The following GATC variants were observed in gnomAD, a reference collection of about 807,000 sequenced individuals.
The protein encoded by GATC is glutamyl-tRNA amidotransferase subunit C.
GATC carries 11 observed loss-of-function variants against 14.4 expected under a neutral mutation model. That is an observed-to-expected ratio of 0.77 (90% CI 0.48 to 1.27). GATC has a LOEUF of 1.27. GATC is among the 50% of genes most tolerant of loss of function. GATC has a pLI of 0.00. For missense variants in GATC, 204 were observed against 183.0 expected, an observed-to-expected ratio of 1.11 and a Z score of -0.66; for synonymous variants, 76 against 79.3, an observed-to-expected ratio of 0.96 and a Z score of 0.22.
chr12:120,449,284 T>C (rs1279931832), intron 2 of GATC, among the ~76,000 whole-genome samples: 4 of 152,102 alleles, frequency 2.6e-5, no homozygotes, highest in Non-Finnish European at 5.9e-5. Context: ...CCTGTGGCTC[T>C]CGTGATATCC....
rs940710190 is a variant in GATC at position 120,462,047 on chromosome 12, T to C, written c.*2088T>C. On this transcript the variant is annotated 3_prime_UTR_variant, in exon 4 of 4. Coordinates refer to ENST00000551765, the MANE Select transcript of GATC (RefSeq NM_176818.3). ...GTAGGGCCTGAAAGGAGAGAAGTAG[T>C]GTGGGGAACCCCTGCTTTGGTATGG... 1.9e-6 allele frequency: 3 copies of C among 1,611,610 alleles called. No homozygotes were observed. The highest frequency in any genetic ancestry group is 1.3e-5 in the African/African-American group (1 of 74,794).
At position 120,463,188 on chromosome 12, in the gene GATC, G is replaced by C. The variant is rs979980998; in HGVS notation, c.*3229G>C. The C allele has an allele frequency of 6.6e-6, 1 of 152,154 alleles. No individual in the cohort carries two copies. The highest frequency in any genetic ancestry group is 2.4e-5 in the African/African-American group (1 of 41,422). 9.4% of individuals were successfully genotyped at this position (152,154 alleles called of 1,614,324 possible). On this transcript the variant is annotated 3_prime_UTR_variant, in exon 4 of 4. Transcript: ENST00000551765. ...GGATAGTCACCACCTCAATCAAACT[G>C]AGATCCAAAACAGCAGCTGCTTTCC...
rs1233862644 is a variant in GATC at position 120,462,235 on chromosome 12, C to CT, written c.*2277dup. 11 of 1,488,042 alleles carry CT rather than the reference C, an allele frequency of 7.4e-6. No homozygotes were observed. Among genetic ancestry groups the CT allele is most frequent in the Non-Finnish European group, 1.0e-5 (11 of 1,097,650 alleles). The allele number at this position is 1,488,042 out of a possible 1,614,324, so 92.2% of individuals were successfully genotyped here. ...GCCAGAAGAATAAGCAAACCAACAT[C>CT]TAACAATAATAGTTAAGTATTGAGC... On this transcript the variant is annotated 3_prime_UTR_variant, in exon 4 of 4. Coordinates refer to ENST00000551765, the MANE Select transcript of GATC (RefSeq NM_176818.3).
At chr12:120,457,486 C>G (rs3847971) in intron 3 of GATC, among the ~76,000 whole-genome samples, 110,937 of 151,900 alleles carry the variant, frequency 0.73, 41,679 homozygotes, top group African/African-American at 0.91. Context: ...AGTTAAGACC[C>G]TGCCAGATCC....
chr12:120,457,180 G>A lies in GATC; in HGVS notation c.358+1G>A, dbSNP rs776603574. 43 of 1,603,458 alleles carry A rather than the reference G, an allele frequency of 2.7e-5. No homozygotes were observed. In the African/African-American group the frequency reaches 3.9e-4, roughly 15 times the overall value. On this transcript the variant is annotated splice_donor_variant, in intron 3 of 3. Coordinates refer to ENST00000551765, the MANE Select transcript of GATC (RefSeq NM_176818.3). LOFTEE classifies it high-confidence loss of function. ...GAGGAGTACTTTGTGGCCCCCCCAG[G>A]TACGTGCTGCCCAGAATGGTTTAAC...
At chr12:120,450,404 A>G (rs1319078887) in intron 2 of GATC, 1 of 152,192 alleles carries the variant, frequency 6.6e-6, no homozygotes, top group East Asian at 1.9e-4. Flanking sequence ...TGTAGTTTTT[A>G]TAACTTCATT....
rs753346194 is a variant in GATC at position 120,446,456 on chromosome 12, A to C, written c.-25A>C. 2.2e-5 allele frequency: 36 copies of C among 1,604,858 alleles called. No individual in the cohort carries two copies. In the East Asian group the frequency reaches 8.1e-4, roughly 36 times the overall value. On this transcript the variant is annotated 5_prime_UTR_variant, in exon 1 of 4. Coordinates refer to ENST00000551765, the MANE Select transcript of GATC (RefSeq NM_176818.3). ...GTCGCTCGGCGTTACGCGCGGGCGC[A>C]CTGCGGGGGCCAAGGAAGGAAGAAA...
intron 3 of GATC, 57 bp downstream of exon 3, chr12:120,457,236 G>C: frequency 7.7e-7 from 1 of 1,291,402 alleles, no homozygotes. Flanking sequence ...TAGGAATGAA[G>C]CAGGAAGCAT....
At chr12:120,450,431 C>G (rs1482942948) in intron 2 of GATC, 1 of 152,094 alleles carries the variant, frequency 6.6e-6, no homozygotes. Flanking sequence ...ATTTGATGAT[C>G]AGCAGTTAGT....
intron 2 of GATC, among the ~76,000 whole-genome samples, chr12:120,455,579 A>C (rs941334480): frequency 6.6e-6 from 1 of 152,158 alleles, no homozygotes; most frequent in Non-Finnish European, 1.5e-5. Flanking sequence ...ACAGACTTCA[A>C]CTTTCTAATA....
chr12:120,452,226 T>C (rs934097890), intron 2 of GATC, among the ~76,000 whole-genome samples: 2 of 152,080 alleles, frequency 1.3e-5, no homozygotes, highest in South Asian at 2.1e-4. Context: ...ATACAAGTTA[T>C]CTATTTTATA....
At chr12:120,454,890 T>G (rs113016750) in intron 2 of GATC, 5,051 of 280,800 alleles carry the variant, frequency 0.018, 260 homozygotes, top group African/African-American at 0.1. Flanking sequence ...CAACTCTCTT[T>G]TGTGTGTGTG....
At chr12:120,458,929 C>T (rs764815755) in intron 3 of GATC, among the ~76,000 whole-genome samples, 4 of 152,272 alleles carry the variant, frequency 2.6e-5, no homozygotes, top group South Asian at 2.1e-4. Context: ...GGCGCGATCT[C>T]GGCTCACTGC....
intron 2 of GATC, among the ~76,000 whole-genome samples, chr12:120,454,392 G>T (rs1878124620): frequency 6.6e-6 from 1 of 152,104 alleles, no homozygotes; most frequent in Non-Finnish European, 1.5e-5. Context: ...GTAGCAATGG[G>T]ATCTGAATTC....
At position 120,454,181 on chromosome 12, in the gene GATC, G is replaced by A. The variant is rs995009529; in HGVS notation, c.255-2895G>A. 2.0e-5 allele frequency among the ~76,000 whole-genome samples: 3 copies of A among 152,294 alleles called. No homozygotes were observed. The East Asian group carries it at 5.8e-4, about 29-fold the overall frequency. ...CATCAGGAGTGCACAGACTTTGAAT[G>A]AGTGGTAGGGACTGAGATGTACTGG... On this transcript the variant is annotated intron_variant, in intron 2 of 3. Transcript: ENST00000551765.
chr12:120,457,072 G>T lies in GATC; in HGVS notation c.255-4G>T, dbSNP rs1310049815. ...GGGTAACCTTGAGCTTCTGGGTTTT[G>T]TAGATGTCTATACCTGAGATCCGAC... On this transcript the variant is annotated splice_polypyrimidine_tract_variant and splice_region_variant and intron_variant, in intron 2 of 3. Coordinates refer to ENST00000551765, the MANE Select transcript of GATC (RefSeq NM_176818.3). 2 of 1,607,418 alleles carry T rather than the reference G, an allele frequency of 1.2e-6. No individual in the cohort carries two copies. The highest frequency in any genetic ancestry group is 1.7e-6 in the Non-Finnish European group (2 of 1,173,970).
chr12:120,447,056 GTTT>G (rs11340122), intron 2 of GATC, among the ~76,000 whole-genome samples: 1 of 142,598 alleles, frequency 7.0e-6, no homozygotes, highest in African/African-American at 2.6e-5. Flanking sequence ...CACTGCCTTT[GTTT>G]TTTTTTTTGT....
At chr12:120,447,653 G>GT (rs1877914186) in intron 2 of GATC, among the ~76,000 whole-genome samples, 2 of 151,900 alleles carry the variant, frequency 1.3e-5, no homozygotes, top group African/African-American at 2.4e-5. Flanking sequence ...ATCCTATTGG[G>GT]TTTTTTCCCT....
intron 2 of GATC, among the ~76,000 whole-genome samples, chr12:120,449,065 C>T (rs1181723235): frequency 6.8e-6 from 1 of 147,512 alleles, no homozygotes; most frequent in Non-Finnish European, 1.5e-5. Flanking sequence ...TGGGTTCATG[C>T]CATTCTCCTG....
Sources: gnomAD v4.1 joint callset for allele counts (sites outside exome capture counted in the v4.1 genomes callset) on GRCh38, gnomAD v4.1.1 for gene constraint, MANE v1.5 for transcripts, NCBI Gene and HGNC (gene_info 2026-07-23, HGNC 2026-07-21) for gene names.